The following NFAT5 variants were observed in gnomAD, a reference collection of about 807,000 sequenced individuals.
NFAT5 encodes nuclear factor of activated T cells 5, also known as nuclear factor of activated T-cells 5.
Under a neutral mutation model 166.5 loss-of-function variants are expected in NFAT5, and 31 were observed. The ratio of observed to expected loss-of-function variants is 0.19; its 90% CI spans 0.14 to 0.25. The LOEUF is 0.25. NFAT5 is among the 10% of genes least tolerant of loss of function. The probability of loss-of-function intolerance (pLI) is 1.00; values close to 1 mark genes in which losing one functional copy is unlikely to be tolerated. For missense variants in NFAT5, 1,449 were observed against 1,821.8 expected (o/e 0.80, Z 3.72); for synonymous variants, 612 against 639.7 (o/e 0.96, Z 0.65).
intron 6 of NFAT5, among the ~76,000 whole-genome samples, chr16:69,659,128 ATT>A (rs1226607304): frequency 2.0e-5 from 3 of 146,428 alleles, no homozygotes; most frequent in African/African-American, 2.5e-5. Flanking sequence ...GTATTTTTTT[ATT>A]TTTTTTTTTT....
chr16:69,570,643 A>G (rs1269071916), intron 2 of NFAT5, among the ~76,000 whole-genome samples: 2 of 152,046 alleles, frequency 1.3e-5, no homozygotes, highest in African/African-American at 4.8e-5. Context: ...ATTTCTTGGA[A>G]TATTCTAGTT....
At chr16:69,666,478 AAAAC>A (rs1162708637) in intron 7 of NFAT5, among the ~76,000 whole-genome samples, 3 of 152,178 alleles carry the variant, frequency 2.0e-5, no homozygotes, top group Middle Eastern at 3.2e-3. Flanking sequence ...TTACAAGAAA[AAAAC>A]AAACAACCCC....
At chr16:69,661,111 G>A (rs921629409) in intron 7 of NFAT5, among the ~76,000 whole-genome samples, 9 of 142,766 alleles carry the variant, frequency 6.3e-5, no homozygotes, top group African/African-American at 2.1e-4. Context: ...TTAGATTGTG[G>A]CTCATGCCTG....
At chr16:69,600,538 G>T (rs1176826508) in intron 2 of NFAT5, among the ~76,000 whole-genome samples, 2 of 151,992 alleles carry the variant, frequency 1.3e-5, no homozygotes, top group Non-Finnish European at 2.9e-5. Context: ...TTTTGGAGGA[G>T]CAGTGAAGAA....
chr16:69,688,023 T>C (rs1363751215), intron 11 of NFAT5, among the ~76,000 whole-genome samples: 3 of 148,754 alleles, frequency 2.0e-5, no homozygotes, highest in African/African-American at 7.5e-5. Context: ...TGAAACCCCG[T>C]CTCTACTAAA....
chr16:69,650,442 A>G (rs921636082), intron 4 of NFAT5, among the ~76,000 whole-genome samples: 3 of 152,140 alleles, frequency 2.0e-5, no homozygotes, highest in South Asian at 2.1e-4. Flanking sequence ...AAGAACTTCT[A>G]AAGTACCATT....
At chr16:69,624,865 A>G (rs1365153635) in intron 2 of NFAT5, among the ~76,000 whole-genome samples, 3 of 151,954 alleles carry the variant, frequency 2.0e-5, no homozygotes, top group Non-Finnish European at 4.4e-5. Flanking sequence ...TATTTTGAAA[A>G]TAAGTATACG....
chr16:69,607,790 T>C (rs944356748), intron 2 of NFAT5, among the ~76,000 whole-genome samples: 2 of 152,226 alleles, frequency 1.3e-5, no homozygotes, highest in Admixed American at 6.5e-5. Flanking sequence ...CTCATGTCAG[T>C]GGAAGAGATT....
chr16:69,584,683 G>A (rs916909082), intron 2 of NFAT5, among the ~76,000 whole-genome samples: 1 of 151,960 alleles, frequency 6.6e-6, no homozygotes, highest in Non-Finnish European at 1.5e-5. Flanking sequence ...CAATTACTCA[G>A]GAGCCTCAGG....
rs572528615 is a variant in NFAT5, at chr16:69,573,708, TAAAATA to T, written c.127+5164_127+5169del. Reference sequence around the variant, plus strand: ...CAATACTGGAATTCTATTGCTTATTTAAAATAAAAGGATATAAATTCATATTCTAAT... The same window carrying T: ...CAATACTGGAATTCTATTGCTTATTTAAAGGATATAAATTCATATTCTAAT... On this transcript the variant is annotated intron_variant, in intron 2 of 14. Coordinates refer to ENST00000349945, the MANE Select transcript of NFAT5 (RefSeq NM_138713.4). 4.0e-3 allele frequency among the ~76,000 whole-genome samples: 607 copies of T among 152,280 alleles called. 4 individuals carry two copies. The highest frequency in any genetic ancestry group is 6.8e-3 in the Middle Eastern group (2 of 294).
intron 2 of NFAT5, among the ~76,000 whole-genome samples, chr16:69,576,680 G>A (rs2016776452): frequency 6.6e-6 from 1 of 152,078 alleles, no homozygotes; most frequent in Non-Finnish European, 1.5e-5. Context: ...GATCAGCCTG[G>A]GCAACGTAGC....
chr16:69,569,730 G>T lies in NFAT5; in HGVS notation c.127+1182G>T, dbSNP rs150688230. Among the ~76,000 whole-genome samples, 567 of 152,178 alleles carry T rather than the reference G, an allele frequency of 3.7e-3. 2 individuals are homozygous for T. The highest frequency in any genetic ancestry group is 0.01 in the Middle Eastern group (3 of 294). On this transcript the variant is annotated intron_variant, in intron 2 of 14. Coordinates refer to ENST00000349945, the MANE Select transcript of NFAT5 (RefSeq NM_138713.4). Reference sequence around the variant, plus strand: ...TAATAAATGTTAGTTTTTTCCTTTAGTATCAGCTAAATTTTTTTAACAGTA... The same window carrying T: ...TAATAAATGTTAGTTTTTTCCTTTATTATCAGCTAAATTTTTTTAACAGTA...
chr16:69,567,395 C>T (rs777693793), intron 1 of NFAT5, among the ~76,000 whole-genome samples: 1 of 152,158 alleles, frequency 6.6e-6, no homozygotes, highest in Non-Finnish European at 1.5e-5. Context: ...ATTCCCACTG[C>T]GCTCTTTACG....
intron 2 of NFAT5, among the ~76,000 whole-genome samples, chr16:69,603,803 T>A (rs977468542): frequency 2.6e-5 from 4 of 152,216 alleles, no homozygotes; most frequent in Admixed American, 6.5e-5. Flanking sequence ...GTGATGTGTG[T>A]ATAATTCTAG....
intron 10 of NFAT5, among the ~76,000 whole-genome samples, chr16:69,679,391 G>A (rs1214200603): frequency 1.3e-5 from 2 of 151,572 alleles, no homozygotes; most frequent in Non-Finnish European, 2.9e-5. Flanking sequence ...CGAGGTGGGC[G>A]AATCACTTAA....
chr16:69,590,543 C>G (rs1028142012), intron 2 of NFAT5, among the ~76,000 whole-genome samples: 7 of 152,178 alleles, frequency 4.6e-5, no homozygotes, highest in African/African-American at 1.4e-4. Context: ...TACTTTGTCT[C>G]AGGCTAGATG....
At chr16:69,589,561 CA>C (rs1378350318) in intron 2 of NFAT5, among the ~76,000 whole-genome samples, 3 of 151,990 alleles carry the variant, frequency 2.0e-5, no homozygotes, top group African/African-American at 7.3e-5. Flanking sequence ...GCAGTTAAAA[CA>C]GCTGGGAATA....
chr16:69,620,666 A>G (rs1473616745), intron 2 of NFAT5, among the ~76,000 whole-genome samples: 1 of 152,232 alleles, frequency 6.6e-6, no homozygotes, highest in Non-Finnish European at 1.5e-5. Flanking sequence ...AGAGTTCCTT[A>G]GAACACAAAA....
intron 3 of NFAT5, among the ~76,000 whole-genome samples, chr16:69,635,337 C>G (rs1328804556): frequency 1.3e-5 from 2 of 152,064 alleles, no homozygotes; most frequent in Non-Finnish European, 2.9e-5. Context: ...AAAATAGGTT[C>G]TCTTTGTAAA....
Sources: gnomAD v4.1 joint callset for allele counts (sites outside exome capture counted in the v4.1 genomes callset) on GRCh38, gnomAD v4.1.1 for gene constraint, MANE v1.5 for transcripts, NCBI Gene and HGNC (gene_info 2026-07-23, HGNC 2026-07-21) for gene names.